Variants in MRGPRX3 observed in about 807,000 individuals in gnomAD.
MRGPRX3 encodes the protein mas-related G protein-coupled receptor member X3.
MRGPRX3 carries 14 observed loss-of-function variants against 16.5 expected under a neutral mutation model. The ratio of observed to expected loss-of-function variants is 0.85; its 90% confidence interval spans 0.56 to 1.33. The LOEUF (loss-of-function observed/expected upper bound fraction) is 1.33. Among genes scored for constraint, MRGPRX3 ranks in the 40% most tolerant of loss-of-function variants. MRGPRX3 has a pLI of 0.00. For missense variants in MRGPRX3, 449 were observed against 413.0 expected (o/e 1.09, Z -0.76); for synonymous variants, 199 against 180.1 (o/e 1.10, Z -0.84).
At chr11:18,135,689 A>G (rs201403834) in intron 1 of MRGPRX3, among the ~76,000 whole-genome samples, 1 of 151,808 alleles carries the variant, frequency 6.6e-6, no homozygotes, top group Non-Finnish European at 1.5e-5. Flanking sequence ...TTCAGCCCAC[A>G]ATTTTGACTG....
chr11:18,121,413 G>A (rs2134077461), intron 1 of MRGPRX3, among the ~76,000 whole-genome samples: 1 of 152,192 alleles, frequency 6.6e-6, no homozygotes. Context: ...GAAGTGAGGA[G>A]CCCCTCTGCC....
rs112650809 is a variant in MRGPRX3 at position 18,133,216 on chromosome 11, G to A, written c.-26+477G>A. Among the ~76,000 whole-genome samples the A allele has an allele frequency of 1.2e-4, 18 of 152,318 alleles. No individual in the cohort carries two copies. In the East Asian group the frequency reaches 3.5e-3, roughly 29 times the overall value. On this transcript the variant is annotated intron_variant, in intron 1 of 1. Coordinates refer to ENST00000621697, the MANE Select transcript of MRGPRX3 (RefSeq NM_001370464.1). ...AAAGATGCACAGAGTTAAGGGTCAG[G>A]ATCCTAAGCAGCAATACATAGGGGA...
At chr11:18,128,744 G>A (rs946015516), upstream of MRGPRX3, among the ~76,000 whole-genome samples, 7 of 152,192 alleles carry the variant, frequency 4.6e-5, no homozygotes, top group East Asian at 3.8e-4. Flanking sequence ...GTGATGTCTC[G>A]CCCTGCTTCG....
intron 1 of MRGPRX3, among the ~76,000 whole-genome samples, chr11:18,136,409 T>G (rs185716728): frequency 1.5e-4 from 23 of 152,342 alleles, no homozygotes; most frequent in Middle Eastern, 3.4e-3. Flanking sequence ...TTTCAGGTTT[T>G]GGGCACTCAT....
chr11:18,126,669 G>A (rs1848900309), intron 1 of MRGPRX3, among the ~76,000 whole-genome samples: 2 of 151,838 alleles, frequency 1.3e-5, no homozygotes, highest in African/African-American at 2.4e-5. Context: ...CGTTCCCAGT[G>A]TGTGATGTTC....
Position 18,138,329 on chromosome 11 carries a change from T to G in MRGPRX3, c.*158T>G. On this transcript the variant is annotated 3_prime_UTR_variant, in exon 2 of 2. Coordinates refer to ENST00000621697, the MANE Select transcript of MRGPRX3 (RefSeq NM_001370464.1). ...GTTTATCTAACCTGACAGTTGCAGT[T>G]TTCACCCATGGAAAGCATTAGTCTG... 8.6e-7 allele frequency: 1 copy of G among 1,169,324 alleles called. No homozygotes were observed. The highest frequency in any genetic ancestry group is 1.2e-6 in the Non-Finnish European group (1 of 841,270). The allele number at this position is 1,169,324 out of a possible 1,614,324, so 72.4% of individuals were successfully genotyped here.
chr11:18,132,852 G>A (rs1848974905), intron 1 of MRGPRX3, 113 bp downstream of exon 1: 1 of 152,196 alleles, frequency 6.6e-6, no homozygotes, highest in Non-Finnish European at 1.5e-5. Context: ...CTTGTTTCAG[G>A]AAAAGACAGG....
chr11:18,135,995 C>G (rs1001257228), intron 1 of MRGPRX3, among the ~76,000 whole-genome samples: 1 of 152,180 alleles, frequency 6.6e-6, no homozygotes, highest in Non-Finnish European at 1.5e-5. Context: ...TGCTGTTATT[C>G]TCCCAAATTA....
upstream of MRGPRX3, among the ~76,000 whole-genome samples, chr11:18,129,081 T>C (rs758009882): frequency 2.0e-5 from 3 of 152,158 alleles, no homozygotes; most frequent in Non-Finnish European, 4.4e-5. Flanking sequence ...AATGCATACA[T>C]CAAAATGTCT....
rs372618930 is a variant in MRGPRX3, at chr11:18,137,907, G to A, written c.705G>A (p.Gln235=). The A allele has an allele frequency of 1.9e-6, 3 of 1,614,058 alleles. No homozygotes were observed. The highest frequency in any genetic ancestry group is 2.5e-6 in the Non-Finnish European group (3 of 1,180,042). Residue 235 remains glutamine, a synonymous_variant, in exon 2 of 2, where the codon CAG becomes CAA. Transcript: ENST00000621697. ...FLLCGLPFGI[Q]WALFSRIHLD... ...TCTGTGGCCTGCCCTTTGGCATTCAGTGGGCCCTGTTTTCCAGGATCCACC... is the reference window on the plus strand; with the variant it reads ...TCTGTGGCCTGCCCTTTGGCATTCAATGGGCCCTGTTTTCCAGGATCCACC...
intron 1 of MRGPRX3, among the ~76,000 whole-genome samples, chr11:18,125,889 A>G (rs1025332597): frequency 6.6e-6 from 1 of 152,180 alleles, no homozygotes; most frequent in Non-Finnish European, 1.5e-5. Context: ...GGGTGCATAT[A>G]TGTTTAGGAT....
At chr11:18,128,606 C>T (rs1262791522), upstream of MRGPRX3, among the ~76,000 whole-genome samples, 2 of 152,180 alleles carry the variant, frequency 1.3e-5, no homozygotes, top group Middle Eastern at 3.2e-3. Flanking sequence ...CCTGGTGTGC[C>T]GTTTGCTAAG....
At chr11:18,122,087 A>G (rs1299406345) in intron 1 of MRGPRX3, among the ~76,000 whole-genome samples, 1 of 150,810 alleles carries the variant, frequency 6.6e-6, no homozygotes, top group Non-Finnish European at 1.5e-5. Flanking sequence ...TGTTGCAAGG[A>G]TATGTTTATG....
Position 18,137,325 on chromosome 11 carries a change from G to T in MRGPRX3, c.123G>T (p.Ala41=). 1 of 1,614,128 alleles carries T rather than the reference G, an allele frequency of 6.2e-7. No individual in the cohort carries two copies. The highest frequency in any genetic ancestry group is 8.5e-7 in the Non-Finnish European group (1 of 1,180,030). ...TGACGTGCATCGTTTCCCTTGTCGC[G>T]CTGACAGGAAACGCGGTTGTGCTCT... is the stretch of plus-strand genomic sequence containing the variant. ...TGLTCIVSLV[A]LTGNAVVLWL... The change falls in exon 2 of 2, where the codon GCG becomes GCT. Residue 41 remains alanine (A), a synonymous_variant. Coordinates refer to ENST00000621697, the MANE Select transcript of MRGPRX3 (RefSeq NM_001370464.1).
Position 18,138,277 on chromosome 11 carries a change from G to A in MRGPRX3, c.*106G>A, listed in dbSNP as rs1170282714. 8 of 1,504,418 alleles carry A rather than the reference G, an allele frequency of 5.3e-6. No homozygotes were observed. In the Admixed American group the frequency reaches 6.8e-5, roughly 13 times the overall value. The allele number at this position is 1,504,418 out of a possible 1,614,324, so 93.2% of individuals were successfully genotyped here. ...AGCCTTCTGCCTCAGAAATGTCTCA[G>A]TGGTCCCTCAAGGTCTTCGAATAGA... On this transcript the variant is annotated 3_prime_UTR_variant, in exon 2 of 2. Coordinates refer to ENST00000621697, the MANE Select transcript of MRGPRX3 (RefSeq NM_001370464.1).
Position 18,138,094 on chromosome 11 carries a change from A to G in MRGPRX3, c.892A>G (p.Thr298Ala), listed in dbSNP as rs112077980. ...KLVLQRALQDTPEVDEGGGWL... is the reference protein window; with the variant it reads ...KLVLQRALQDAPEVDEGGGWL... ...GGTTCTCCAGAGGGCTCTGCAGGACACGCCTGAGGTGGATGAAGGTGGAGG... is the reference window on the plus strand; with the variant it reads ...GGTTCTCCAGAGGGCTCTGCAGGACGCGCCTGAGGTGGATGAAGGTGGAGG... Residue 298 changes from threonine (T) to alanine (A), a missense_variant, in exon 2 of 2, where the codon ACG (threonine) becomes GCG (alanine). Physicochemically the swap from Thr to Ala is moderately conservative, Grantham distance 58 (BLOSUM62 0). Coordinates refer to ENST00000621697, the MANE Select transcript of MRGPRX3 (RefSeq NM_001370464.1). 9.7e-5 allele frequency: 157 copies of G among 1,614,092 alleles called. No individual in the cohort carries two copies. The African/African-American group carries it at 1.7e-3, about 18-fold the overall frequency.
chr11:18,133,460 G>A lies in MRGPRX3; in HGVS notation c.-26+721G>A, dbSNP rs1307409280. 2.0e-5 allele frequency among the ~76,000 whole-genome samples: 3 copies of A among 152,246 alleles called. No individual in the cohort carries two copies. The East Asian group carries it at 5.8e-4, about 29-fold the overall frequency. On this transcript the variant is annotated intron_variant, in intron 1 of 1. Transcript: ENST00000621697. ...TTTCCAATGTTGGAGGAAGGGCCTT[G>A]TGGGAGATGATTATTAGATCACGGG...
chr11:18,121,914 G>A (rs1210702510), intron 1 of MRGPRX3, among the ~76,000 whole-genome samples: 8 of 150,782 alleles, frequency 5.3e-5, no homozygotes, highest in Non-Finnish European at 1.0e-4. Flanking sequence ...TTGTTCACTT[G>A]TTTATCTGCT....
At position 18,137,275 on chromosome 11, in the gene MRGPRX3, A is replaced by C. The variant is rs768678061; in HGVS notation, c.73A>C (p.Lys25Gln). Residue 25 changes from lysine to glutamine, a missense_variant, in exon 2 of 2, where the codon AAG becomes CAG. Coordinates refer to ENST00000621697, the MANE Select transcript of MRGPRX3 (RefSeq NM_001370464.1). ...INGREETPCY[K>Q]QTLSFTGLTC... ...CGGACGTGAGGAGACTCCTTGCTACAAGCAGACCCTGAGCTTCACGGGGCT... is the reference window on the plus strand; with the variant it reads ...CGGACGTGAGGAGACTCCTTGCTACCAGCAGACCCTGAGCTTCACGGGGCT... The C allele has an allele frequency of 2.6e-5, 42 of 1,614,064 alleles. No individual in the cohort carries two copies. Among genetic ancestry groups the C allele is most frequent in the Non-Finnish European group, 3.5e-5 (41 of 1,179,998 alleles).
Sources: gnomAD v4.1 joint callset for allele counts (sites outside exome capture counted in the v4.1 genomes callset) on GRCh38, gnomAD v4.1.1 for gene constraint, MANE v1.5 for transcripts, NCBI Gene and HGNC (gene_info 2026-07-23, HGNC 2026-07-21) for gene names.